Variants in RGPD1 observed in about 807,000 individuals in gnomAD.
The protein encoded by RGPD1 is RANBP2-like and GRIP domain-containing protein 1.
Under a neutral mutation model 40.6 loss-of-function variants are expected in RGPD1, and 7 were observed. That is an observed-to-expected ratio of 0.17 (90% CI 0.10 to 0.32). The LOEUF is 0.32. Ranked by LOEUF, RGPD1 falls within the 10% of genes least tolerant of loss-of-function variation. The probability of loss-of-function intolerance (pLI) is 1.00; values close to 1 mark genes in which losing one functional copy is unlikely to be tolerated. For synonymous variants in RGPD1, 24 were observed against 167.0 expected, an observed-to-expected ratio of 0.14 and a Z score of 6.60; for missense variants, 50 against 472.5, an observed-to-expected ratio of 0.11 and a Z score of 8.29.
chr2:86,924,580 C>T (rs1208991320), intron 1 of RGPD1, among the ~76,000 whole-genome samples: 1 of 150,328 alleles, frequency 6.7e-6, no homozygotes, highest in Non-Finnish European at 1.5e-5. Context: ...ATCCTCCTAC[C>T]TCAGCCTCCA....
At position 86,960,179 on chromosome 2, in the gene RGPD1, G is replaced by A; in HGVS notation, c.779+1752G>A. Among the ~76,000 whole-genome samples the A allele has an allele frequency of 1.9e-5, 2 of 103,234 alleles. 1 individual carries two copies. The highest frequency in any genetic ancestry group is 3.8e-5 in the Non-Finnish European group (2 of 52,552). 67.7% of individuals were successfully genotyped at this position (103,234 alleles called of 152,430 possible). A position where few individuals can be genotyped will look rare whatever the true frequency, so the allele number is the denominator to read the frequency against. On this transcript the variant is annotated intron_variant, in intron 6 of 22. Coordinates refer to ENST00000641458, the MANE Select transcript of RGPD1 (RefSeq NM_001382344.1). Reference sequence around the variant, plus strand: ...GGGGGTGACTGGGGGCCTGAGGGGAGGACCCTGAGGAAGATAAAAAGCTGG... The same window carrying A: ...GGGGGTGACTGGGGGCCTGAGGGGAAGACCCTGAGGAAGATAAAAAGCTGG...
intron 20 of RGPD1, among the ~76,000 whole-genome samples, chr2:86,988,258 A>C (rs1452023890): frequency 7.4e-6 from 1 of 134,820 alleles, no homozygotes; most frequent in Non-Finnish European, 1.6e-5. Flanking sequence ...AGCCTGGCCA[A>C]CGTGGTGAAA....
intron 1 of RGPD1, among the ~76,000 whole-genome samples, chr2:86,943,180 G>A (rs1245678182): frequency 4.0e-5 from 6 of 151,182 alleles, no homozygotes; most frequent in African/African-American, 9.7e-5. Flanking sequence ...GCCCGACGGC[G>A]CAAATGACAG....
upstream of RGPD1, among the ~76,000 whole-genome samples, chr2:86,941,620 C>T (rs1010202166): frequency 3.2e-4 from 49 of 151,696 alleles, no homozygotes; most frequent in Non-Finnish European, 1.6e-4. Flanking sequence ...TATAAGCTGA[C>T]AGAAAATACA....
chr2:86,944,253 G>C (rs573943513), intron 1 of RGPD1, among the ~76,000 whole-genome samples: 2 of 152,128 alleles, frequency 1.3e-5, no homozygotes, highest in Non-Finnish European at 2.9e-5. Context: ...GTAAGTTACA[G>C]TCTATTCCTC....
intron 1 of RGPD1, chr2:86,930,128 AGCG>A: frequency 6.6e-7 from 1 of 1,520,314 alleles, no homozygotes; most frequent in Non-Finnish European, 8.9e-7. Context: ...AAACGGCGAT[AGCG>A]GCAGGAGGGG....
At chr2:86,948,017 CTCTA>C (rs1680429418) in intron 1 of RGPD1, among the ~76,000 whole-genome samples, 1 of 63,674 alleles carries the variant, frequency 1.6e-5, no homozygotes, top group Admixed American at 1.6e-4. Context: ...ACAATTACAT[CTCTA>C]TCTTACTGTG....
At position 86,942,321 on chromosome 2, in the gene RGPD1, C is replaced by T. The variant is rs1234026590; in HGVS notation, c.72+13C>T. On this transcript the variant is annotated intron_variant, in intron 1 of 22. Transcript: ENST00000641458. ...GTCGCCTGGAAAGGTGAGTGGATCT[C>T]GAAGAGACCGACGGCCTCGACCTGG... 25 of 1,580,462 alleles carry T rather than the reference C, an allele frequency of 1.6e-5. No homozygotes were observed. The highest frequency in any genetic ancestry group is 1.8e-5 in the Admixed American group (1 of 56,470).
chr2:86,920,151 C>A (rs1288994611), intron 1 of RGPD1, among the ~76,000 whole-genome samples: 1 of 151,880 alleles, frequency 6.6e-6, no homozygotes, highest in Admixed American at 6.6e-5. Flanking sequence ...CTCATTACAA[C>A]CTCTGCCTCC....
chr2:86,998,148 A>G, intron 22 of RGPD1, among the ~76,000 whole-genome samples: 1 of 11,544 alleles, frequency 8.7e-5, no homozygotes, highest in Middle Eastern at 0.013. Flanking sequence ...CAAATAGCCT[A>G]AGACAATGGA....
At chr2:86,943,084 C>T (rs1680025967) in intron 1 of RGPD1, among the ~76,000 whole-genome samples, 1 of 151,298 alleles carries the variant, frequency 6.6e-6, no homozygotes, top group Non-Finnish European at 1.5e-5. Context: ...CTGGAGGAAC[C>T]CAGTGGGGAC....
At chr2:86,929,419 G>A (rs377539458) in intron 1 of RGPD1, among the ~76,000 whole-genome samples, 41 of 151,800 alleles carry the variant, frequency 2.7e-4, no homozygotes, top group Admixed American at 2.0e-3. Context: ...TTAGAAACTG[G>A]TCAGTGTCAG....
In RGPD1 at chr2:86,930,425, G is replaced by A. The variant is rs1207386206; in HGVS notation, c.72+16504G>A. 15 of 1,458,236 alleles carry A rather than the reference G, an allele frequency of 1.0e-5. 1 individual carries two copies. Among genetic ancestry groups the A allele is most frequent in the Admixed American group, 5.2e-5 (3 of 57,574 alleles). 90.3% of individuals were successfully genotyped at this position (1,458,236 alleles called of 1,614,324 possible). ...GGAGGCGAAGGTCAAGCAGTGAACC[G>A]GTAGGGAAAGGACCAGCCCCATGGC... On this transcript the variant is annotated intron_variant, in intron 1 of 22. Transcript: ENST00000398193.
intron 1 of RGPD1, among the ~76,000 whole-genome samples, chr2:86,944,707 T>C (rs1325906169): frequency 6.6e-6 from 1 of 151,960 alleles, no homozygotes; most frequent in East Asian, 1.9e-4. Context: ...GCCACTGCAC[T>C]GGCCATTATT....
intron 1 of RGPD1, among the ~76,000 whole-genome samples, chr2:86,915,098 C>G (rs1677729624): frequency 1.3e-5 from 2 of 150,018 alleles, no homozygotes. Context: ...TCGTTCGAGA[C>G]CAGCCTGGCC....
intron 1 of RGPD1, among the ~76,000 whole-genome samples, chr2:86,947,941 AAAG>A (rs1449504193): frequency 3.1e-5 from 3 of 96,308 alleles, no homozygotes; most frequent in African/African-American, 7.9e-5. Flanking sequence ...AATTAAAAAA[AAAG>A]AGAGAGAAAT....
At chr2:86,944,887 T>G (rs1418001066) in intron 1 of RGPD1, among the ~76,000 whole-genome samples, 1 of 150,506 alleles carries the variant, frequency 6.6e-6, no homozygotes, top group East Asian at 2.0e-4. Context: ...CATGCCCGGC[T>G]TTTTTCTTTA....
intron 1 of RGPD1, among the ~76,000 whole-genome samples, chr2:86,928,707 C>T (rs964078613): frequency 2.0e-5 from 3 of 152,092 alleles, no homozygotes; most frequent in African/African-American, 7.2e-5. Context: ...GAGGACTTGA[C>T]GAAAGGCATT....
intron 21 of RGPD1, among the ~76,000 whole-genome samples, chr2:86,996,839 C>T (rs1170343031): frequency 2.1e-5 from 2 of 95,998 alleles, no homozygotes; most frequent in African/African-American, 4.5e-5. Flanking sequence ...TCAGGAACAG[C>T]GTAGGGGCAG....
Sources: allele counts gnomAD v4.1 joint callset (sites outside exome capture counted in the v4.1 genomes callset), GRCh38; gene constraint gnomAD v4.1.1; transcripts MANE v1.5; gene names NCBI Gene and HGNC (gene_info 2026-07-23, HGNC 2026-07-21).